FAM107B: variants seen among roughly 807,000 people sequenced by gnomAD.
The protein encoded by FAM107B is family with sequence similarity 107 member B.
FAM107B carries 21 observed loss-of-function variants against 31.5 expected under a neutral mutation model. That is an observed-to-expected ratio of 0.67 (90% CI 0.47 to 0.96). The LOEUF (loss-of-function observed/expected upper bound fraction) is 0.96, where lower values mean the gene tolerates loss of function less well. Among genes scored for constraint, FAM107B ranks in the 40% least tolerant of loss-of-function variants. FAM107B has a pLI of 0.00. For missense variants in FAM107B, 452 were observed against 377.1 expected (o/e 1.20, Z -1.64); for synonymous variants, 157 against 141.5 (o/e 1.11, Z -0.78).
chr10:14,633,002 T>G lies in FAM107B; in HGVS notation c.469+34632A>C, dbSNP rs1853407138. On this transcript the variant is annotated intron_variant, in intron 2 of 4. Transcript: ENST00000181796. Reference sequence around the variant, plus strand: ...TCACTCGAGGTCAGGAGTTCGAGACTAGCCTGGCCAACATGGTAAAACTCT... The same window carrying G: ...TCACTCGAGGTCAGGAGTTCGAGACGAGCCTGGCCAACATGGTAAAACTCT... 2.0e-5 allele frequency among the ~76,000 whole-genome samples: 3 copies of G among 152,110 alleles called. No individual in the cohort carries two copies. The South Asian group carries it at 6.2e-4, about 32-fold the overall frequency.
At chr10:14,753,084 G>C (rs1174963595) in intron 1 of FAM107B, among the ~76,000 whole-genome samples, 1 of 152,134 alleles carries the variant, frequency 6.6e-6, no homozygotes, top group African/African-American at 2.4e-5. Context: ...AAAGTTTCTA[G>C]CTCAAAAGCT....
intron 1 of FAM107B, among the ~76,000 whole-genome samples, chr10:14,710,564 A>G (rs1410168184): frequency 6.6e-6 from 1 of 152,118 alleles, no homozygotes; most frequent in Non-Finnish European, 1.5e-5. Context: ...TTTGGTCAAT[A>G]ATGGATGCCA....
chr10:14,572,291 G>C, intron 2 of FAM107B: 2 of 985,456 alleles, frequency 2.0e-6, no homozygotes, highest in Non-Finnish European at 2.4e-6. Flanking sequence ...ACAAAAATCA[G>C]CTCCTCTACT....
At chr10:14,648,064 CA>C (rs199512621) in intron 2 of FAM107B, among the ~76,000 whole-genome samples, 15,942 of 144,170 alleles carry the variant, frequency 0.11, 1,162 homozygotes, top group East Asian at 0.25. Flanking sequence ...AAAGACGTGC[CA>C]AAAAAAAAAA....
At chr10:14,736,471 T>C (rs1245732469) in intron 1 of FAM107B, among the ~76,000 whole-genome samples, 2 of 152,192 alleles carry the variant, frequency 1.3e-5, no homozygotes, top group African/African-American at 4.8e-5. Context: ...TATAGACTCA[T>C]AATTAAGACT....
At chr10:14,522,045 G>A in intron 3 of FAM107B, 26 bp from the exon 4 acceptor site, 7 of 1,590,974 alleles carry the variant, frequency 4.4e-6, no homozygotes, top group Non-Finnish European at 6.0e-6. Context: ...AACAAAAATA[G>A]AAAACGTTAA....
At chr10:14,539,301 C>G (rs1564541056) in intron 2 of FAM107B, among the ~76,000 whole-genome samples, 1 of 152,208 alleles carries the variant, frequency 6.6e-6, no homozygotes, top group Non-Finnish European at 1.5e-5. Context: ...CAAGACCCAG[C>G]TGGTATCTGT....
rs1384869478 is a variant in FAM107B, at chr10:14,518,963, C to A, written c.*2227G>T. The stretch of plus-strand genomic sequence containing the variant: ...TAAGGGGTGAGAGGAGACCGACAGC[C>A]TGTTTGAATCAGGCTTGTGAGCCCA... On this transcript the variant is annotated 3_prime_UTR_variant, in exon 5 of 5. Coordinates refer to ENST00000181796, the MANE Select transcript of FAM107B (RefSeq NM_031453.4). 1 of 152,636 alleles carries A rather than the reference C, an allele frequency of 6.6e-6. No homozygotes were observed. The highest frequency in any genetic ancestry group is 1.5e-5 in the Non-Finnish European group (1 of 68,054). The allele number at this position is 152,636 out of a possible 1,614,324, so 9.5% of individuals were successfully genotyped here. A position where few individuals can be genotyped will look rare whatever the true frequency, so the allele number is the denominator to read the frequency against.
At chr10:14,628,119 T>TTTG (rs1458599256) in intron 2 of FAM107B, among the ~76,000 whole-genome samples, 1 of 123,106 alleles carries the variant, frequency 8.1e-6, no homozygotes, top group Non-Finnish European at 1.6e-5. Context: ...CTGGTTTTTT[T>TTTG]TTTTTTTTTT....
intron 2 of FAM107B, among the ~76,000 whole-genome samples, chr10:14,616,068 A>G (rs1852841981): frequency 6.6e-6 from 1 of 152,200 alleles, no homozygotes; most frequent in Admixed American, 6.6e-5. Flanking sequence ...AAAACTTTCT[A>G]AAAGAGGTTG....
intron 2 of FAM107B, among the ~76,000 whole-genome samples, chr10:14,592,742 G>C (rs537242605): frequency 2.6e-5 from 4 of 152,206 alleles, no homozygotes; most frequent in Non-Finnish European, 5.9e-5. Context: ...TTCTGGAATG[G>C]AAAAAGAAAC....
At chr10:14,660,147 T>C (rs1416436962) in intron 2 of FAM107B, among the ~76,000 whole-genome samples, 1 of 152,068 alleles carries the variant, frequency 6.6e-6, no homozygotes, top group Non-Finnish European at 1.5e-5. Context: ...TACAGGATTC[T>C]CCCCTCGTAT....
chr10:14,644,084 C>T (rs1007501384), intron 2 of FAM107B, among the ~76,000 whole-genome samples: 3 of 152,208 alleles, frequency 2.0e-5, no homozygotes, highest in African/African-American at 7.2e-5. Context: ...TTTCCTCTCT[C>T]TCTTTGTATT....
At chr10:14,537,092 C>A (rs77767263) in intron 2 of FAM107B, among the ~76,000 whole-genome samples, 1 of 152,064 alleles carries the variant, frequency 6.6e-6, no homozygotes, top group South Asian at 2.1e-4. Flanking sequence ...GAGGTGGGAA[C>A]GACCAATAGG....
chr10:14,726,345 A>G (rs779594691), intron 1 of FAM107B, among the ~76,000 whole-genome samples: 4 of 152,148 alleles, frequency 2.6e-5, no homozygotes, highest in Non-Finnish European at 5.9e-5. Flanking sequence ...TGTGGGAAGC[A>G]TCTCCTGTTA....
At position 14,626,276 on chromosome 10, in the gene FAM107B, G is replaced by C. The variant is rs188684308; in HGVS notation, c.469+41358C>G. The stretch of plus-strand genomic sequence containing the variant: ...CCCTTCTCCTCTGTCTTCAATATAC[G>C]ATTCATCACATAAACAATAAAAACA... On this transcript the variant is annotated intron_variant, in intron 2 of 4. Transcript: ENST00000181796. Among the ~76,000 whole-genome samples, 497 of 152,136 alleles carry C rather than the reference G, an allele frequency of 3.3e-3. 1 individual carries two copies. The highest frequency in any genetic ancestry group is 7.5e-3 in the Admixed American group (114 of 15,262).
At chr10:14,582,889 C>G (rs374182905) in intron 2 of FAM107B, among the ~76,000 whole-genome samples, 1 of 151,970 alleles carries the variant, frequency 6.6e-6, no homozygotes, top group African/African-American at 2.4e-5. Flanking sequence ...AGTTCGAGAT[C>G]GGCCTGGCCA....
intron 2 of FAM107B, among the ~76,000 whole-genome samples, chr10:14,623,967 C>A (rs1853086282): frequency 6.6e-6 from 1 of 152,194 alleles, no homozygotes; most frequent in South Asian, 2.1e-4. Context: ...GGTGAAGACA[C>A]CACTATTTTA....
chr10:14,757,403 C>T (rs2131587408), intron 1 of FAM107B, among the ~76,000 whole-genome samples: 1 of 151,974 alleles, frequency 6.6e-6, no homozygotes, highest in East Asian at 1.9e-4. Flanking sequence ...GACTTGCCGG[C>T]CCCTATAACT....
Sources: gnomAD v4.1 joint callset for allele counts (sites outside exome capture counted in the v4.1 genomes callset) on GRCh38, gnomAD v4.1.1 for gene constraint, MANE v1.5 for transcripts, NCBI Gene and HGNC (gene_info 2026-07-23, HGNC 2026-07-21) for gene names.